Variants in CCDC175 observed in about 807,000 individuals in gnomAD.
The protein encoded by CCDC175 is coiled-coil domain-containing protein 175.
CCDC175 carries 100 observed loss-of-function variants against 114.6 expected under a neutral mutation model. The ratio of observed to expected loss-of-function variants is 0.87; its 90% CI spans 0.74 to 1.03. The LOEUF is 1.03. Ranked by LOEUF, CCDC175 falls within the 50% of genes least tolerant of loss-of-function variation. The pLI, the probability that CCDC175 is intolerant of heterozygous loss-of-function variation, is 0.00. For missense variants in CCDC175, 880 were observed against 917.8 expected (o/e 0.96, Z 0.53); for synonymous variants, 306 against 308.7 (o/e 0.99, Z 0.09).
At chr14:59,515,676 A>C (rs1376576575) in intron 17 of CCDC175, among the ~76,000 whole-genome samples, 3 of 152,194 alleles carry the variant, frequency 2.0e-5, no homozygotes, top group Admixed American at 2.0e-4. Flanking sequence ...GCAAGTCCTT[A>C]GAGACCTGGA....
Position 59,538,710 on chromosome 14 carries a change from T to C in CCDC175, c.1486A>G (p.Asn496Asp), listed in dbSNP as rs1373750899. ...NAEVRRIELL[N>D]ETSFRQQEIS... is the part of the protein sequence containing the mutation. ...AGTTCTTTCAGTTCTCTTACCTCGT[T>C]AAGTAATTCAATTCGTCTAACTTCT... is the stretch of plus-strand genomic sequence containing the variant. Residue 496 changes from asparagine (N) to aspartate (D), a missense_variant, in exon 12 of 20, where the codon AAC becomes GAC. By Grantham distance (23) the Asn-to-Asp change is conservative (BLOSUM62 1). Transcript: ENST00000537690. 6.5e-7 allele frequency: 1 copy of C among 1,534,834 alleles called. No homozygotes were observed. The highest frequency in any genetic ancestry group is 1.2e-5 in the South Asian group (1 of 83,302).
intron 2 of CCDC175, among the ~76,000 whole-genome samples, chr14:59,574,212 G>A (rs1896985637): frequency 1.3e-5 from 2 of 152,152 alleles, no homozygotes; most frequent in South Asian, 4.1e-4. Flanking sequence ...TCAGCAGTCT[G>A]TGGATTCAAA....
intron 4 of CCDC175, among the ~76,000 whole-genome samples, chr14:59,566,109 A>G (rs575566599): frequency 7.5e-4 from 114 of 152,316 alleles, no homozygotes; most frequent in Non-Finnish European, 1.3e-3. Context: ...TACTGTTTGA[A>G]GGATGCCTGA....
intron 8 of CCDC175, among the ~76,000 whole-genome samples, chr14:59,546,505 C>A (rs1278867873): frequency 6.6e-6 from 1 of 152,112 alleles, no homozygotes; most frequent in Non-Finnish European, 1.5e-5. Context: ...GATTGCTAGG[C>A]CTAATTCTAG....
intron 1 of CCDC175, among the ~76,000 whole-genome samples, chr14:59,575,588 C>T (rs1897067933): frequency 6.8e-6 from 1 of 146,320 alleles, no homozygotes; most frequent in Non-Finnish European, 1.5e-5. Context: ...CGGCTCACCA[C>T]AACCTCTGCC....
intron 15 of CCDC175, 48 bp downstream of exon 15, chr14:59,527,047 A>C (rs900189362): frequency 2.9e-6 from 3 of 1,026,000 alleles, no homozygotes; most frequent in South Asian, 1.6e-5. Context: ...TGTATATACC[A>C]CTATTCTAAT....
At chr14:59,523,799 C>T (rs913436793) in intron 16 of CCDC175, among the ~76,000 whole-genome samples, 2 of 152,108 alleles carry the variant, frequency 1.3e-5, no homozygotes, top group Non-Finnish European at 2.9e-5. Flanking sequence ...ACCATCCTGG[C>T]TAACACGGTG....
chr14:59,519,999 A>C (rs540596956), intron 17 of CCDC175, among the ~76,000 whole-genome samples: 92 of 152,344 alleles, frequency 6.0e-4, no homozygotes, highest in African/African-American at 2.2e-3. Flanking sequence ...AGATGATTTC[A>C]GTTCCCGGCT....
intron 1 of CCDC175, 56 bp downstream of exon 1, chr14:59,576,563 C>T (rs2140142577): frequency 7.4e-7 from 1 of 1,358,508 alleles, no homozygotes; most frequent in Non-Finnish European, 9.4e-7. Context: ...CGCTGAGTGC[C>T]TCCTAAGCGC....
intron 1 of CCDC175, 112 bp downstream of exon 1, chr14:59,576,507 C>T (rs572588678): frequency 1.9e-6 from 2 of 1,056,130 alleles, no homozygotes; most frequent in African/African-American, 1.7e-5. Context: ...TCTGCCCTGC[C>T]CAGTGATGCC....
chr14:59,545,027 T>C, intron 9 of CCDC175, 136 bp downstream of exon 9: 1 of 874,268 alleles, frequency 1.1e-6, no homozygotes, highest in East Asian at 2.7e-5. Context: ...AAACCAGTAA[T>C]GATAGCAAAT....
chr14:59,517,002 A>G (rs1893132524), intron 17 of CCDC175, among the ~76,000 whole-genome samples: 1 of 152,240 alleles, frequency 6.6e-6, no homozygotes, highest in African/African-American at 2.4e-5. Context: ...CTGGGATGCA[A>G]GGCTGGTTCA....
At chr14:59,505,501 G>T in intron 19 of CCDC175, 186 bp from the exon 20 acceptor site, 1 of 358,922 alleles carries the variant, frequency 2.8e-6, no homozygotes, top group Non-Finnish European at 5.0e-6. Flanking sequence ...TCCACTTGGG[G>T]CCATTTTTAC....
intron 14 of CCDC175, among the ~76,000 whole-genome samples, chr14:59,531,498 G>A (rs1894068938): frequency 6.6e-6 from 1 of 152,160 alleles, no homozygotes; most frequent in Non-Finnish European, 1.5e-5. Context: ...CCTTTCCCAA[G>A]TATGGAGAGA....
At chr14:59,527,519 A>T (rs1022260502) in intron 14 of CCDC175, among the ~76,000 whole-genome samples, 2 of 152,120 alleles carry the variant, frequency 1.3e-5, no homozygotes, top group African/African-American at 4.8e-5. Flanking sequence ...TAACCTTCCT[A>T]TAAAGTTATA....
chr14:59,514,391 C>G (rs1035797032), intron 17 of CCDC175, among the ~76,000 whole-genome samples: 1 of 152,046 alleles, frequency 6.6e-6, no homozygotes, highest in African/African-American at 2.4e-5. Flanking sequence ...AAGTTCAAAC[C>G]CATGTCAAAG....
intron 19 of CCDC175, among the ~76,000 whole-genome samples, chr14:59,506,229 C>A (rs1052304015): frequency 6.6e-6 from 1 of 151,472 alleles, no homozygotes; most frequent in Non-Finnish European, 1.5e-5. Context: ...GCCTGGGCCC[C>A]ACACCCAGAG....
At position 59,565,143 on chromosome 14, in the gene CCDC175, G is replaced by A. The variant is rs1896453658; in HGVS notation, c.624C>T (p.Asp208=). 6.5e-7 allele frequency: 1 copy of A among 1,537,524 alleles called. No individual in the cohort carries two copies. The highest frequency in any genetic ancestry group is 1.4e-5 in the African/African-American group (1 of 72,970). The part of the protein sequence containing the change: ...TYTKINLKRE[D]IALQKKCIQE... ...GAATACATTTTTTTTGCAATGCTAT[G>A]TCTTCTCTCTTCAAGTTTATTTTGG... The change falls in exon 5 of 20, where the codon GAC becomes GAT. Residue 208 remains aspartate, a synonymous_variant. Transcript: ENST00000537690.
At chr14:59,510,496 A>G (rs761005799) in intron 19 of CCDC175, 150 bp downstream of exon 19, 1 of 784,954 alleles carries the variant, frequency 1.3e-6, no homozygotes, top group East Asian at 2.7e-5. Context: ...TCAACCCCAA[A>G]TAAGTATCAA....
Sources: gnomAD v4.1 joint callset for allele counts (sites outside exome capture counted in the v4.1 genomes callset) on GRCh38, gnomAD v4.1.1 for gene constraint, MANE v1.5 for transcripts, NCBI Gene and HGNC (gene_info 2026-07-23, HGNC 2026-07-21) for gene names.